Variants in KDM6A observed in about 807,000 individuals in gnomAD.
KDM6A encodes lysine-specific demethylase 6A.
A neutral mutation model predicts 117.6 loss-of-function variants in KDM6A; 11 were observed. The observed-to-expected ratio is 0.09, with a 90% confidence interval of 0.06 to 0.15. The LOEUF is 0.15. Ranked by LOEUF, KDM6A falls within the 10% of genes least tolerant of loss-of-function variation. The pLI, the probability that KDM6A is intolerant of heterozygous loss-of-function variation, is 1.00. For missense variants in KDM6A, 799 were observed against 1,077.3 expected (o/e 0.74, Z 3.62); for synonymous variants, 384 against 396.1 (o/e 0.97, Z 0.36).
chrX:44,901,361 AAT>A (rs760576311), intron 2 of KDM6A, among the ~76,000 whole-genome samples: 6 of 106,829 alleles, frequency 5.6e-5, no homozygotes, highest in African/African-American at 7.0e-5. Flanking sequence ...ATCTCAAAAA[AAT>A]ATATATATAT....
intron 6 of KDM6A, among the ~76,000 whole-genome samples, chrX:45,028,745 T>C (rs2042480488): frequency 8.9e-6 from 1 of 112,451 alleles, no homozygotes; most frequent in African/African-American, 3.2e-5. Flanking sequence ...TCCTAATTAA[T>C]TTATCTGGCC....
rs762465433 is a variant in KDM6A, at chrX:44,913,744, G to GTATA, written c.225+39769_225+39772dup. Among the ~76,000 whole-genome samples, 237 of 107,339 alleles carry GTATA rather than the reference G, an allele frequency of 2.2e-3. 2 individuals are homozygous for GTATA. The highest frequency in any genetic ancestry group is 7.4e-3 in the African/African-American group (217 of 29,472). The allele number at this position is 107,339 out of a possible 115,157, so 93.2% of individuals were successfully genotyped here. The stretch of plus-strand genomic sequence containing the variant: ...TGCTATCCACTATTTGTGTGTGTGC[G>GTATA]TATATATATATATATGTATACGCAC... On this transcript the variant is annotated intron_variant, in intron 2 of 29. Coordinates refer to ENST00000611820, the MANE Select transcript of KDM6A (RefSeq NM_001291415.2).
intron 17 of KDM6A, among the ~76,000 whole-genome samples, chrX:45,067,644 C>CTTTTTTTTTTTTTTTT (rs1267780901): frequency 1.1e-5 from 1 of 90,088 alleles, no homozygotes; most frequent in African/African-American, 5.4e-5. Context: ...TGGTGTGTAT[C>CTTTTTTTTTTTTTTTT]TTTTTTTTGT....
Position 44,941,409 on chromosome X carries a change from T to G in KDM6A, c.226-19875T>G, listed in dbSNP as rs148119332. 6.2e-3 allele frequency among the ~76,000 whole-genome samples: 690 copies of G among 111,199 alleles called. 4 individuals are homozygous for G. Among genetic ancestry groups the G allele is most frequent in the African/African-American group, 0.021 (654 of 30,584 alleles). On this transcript the variant is annotated intron_variant, in intron 2 of 29. Transcript: ENST00000611820. The stretch of plus-strand genomic sequence containing the variant: ...TCTAGTTGGTACTTCTGCCCTTTTC[T>G]TAGGCAATGCAAGATTCTTAGAGCC...
intron 4 of KDM6A, among the ~76,000 whole-genome samples, chrX:44,996,292 C>G (rs908688319): frequency 9.1e-6 from 1 of 109,520 alleles, no homozygotes; most frequent in African/African-American, 3.3e-5. Flanking sequence ...CCAGGCTGGT[C>G]TCGAACTCCT....
At chrX:45,067,071 C>G (rs182988790) in intron 17 of KDM6A, among the ~76,000 whole-genome samples, 3 of 111,826 alleles carry the variant, frequency 2.7e-5, no homozygotes, top group East Asian at 2.8e-4. Context: ...TCTAAAGAGG[C>G]CTTTTTGGTA....
In KDM6A at chrX:44,981,911, T is replaced by C. The variant is rs767656646; in HGVS notation, c.384+7196T>C. Among the ~76,000 whole-genome samples, 4 of 111,519 alleles carry C rather than the reference T, an allele frequency of 3.6e-5. No individual in the cohort carries two copies. In the South Asian group the frequency reaches 1.5e-3, roughly 42 times the overall value. On this transcript the variant is annotated intron_variant, in intron 4 of 29. Coordinates refer to ENST00000611820, the MANE Select transcript of KDM6A (RefSeq NM_001291415.2). ...CCAGCCTGGCCAACATGGTGAAACC[T>C]CATCTCCGCTAAAAATACAAAAATT...
At chrX:44,877,657 A>G (rs2031812810) in intron 2 of KDM6A, among the ~76,000 whole-genome samples, 1 of 109,928 alleles carries the variant, frequency 9.1e-6, no homozygotes, top group African/African-American at 3.3e-5. Flanking sequence ...TAATAATGCT[A>G]GGGGACTGGG....
chrX:44,927,641 A>G lies in KDM6A; in HGVS notation c.226-33643A>G, dbSNP rs142565907. ...AGAAGTCAGAACTGATTCATAAGCC[A>G]CCTGAACTTTGAGTGGGGTCCAAAC... is the stretch of plus-strand genomic sequence containing the variant. On this transcript the variant is annotated intron_variant, in intron 2 of 29. Coordinates refer to ENST00000611820, the MANE Select transcript of KDM6A (RefSeq NM_001291415.2). Among the ~76,000 whole-genome samples, 280 of 111,076 alleles carry G rather than the reference A, an allele frequency of 2.5e-3. 1 individual carries two copies. The highest frequency in any genetic ancestry group is 8.5e-3 in the African/African-American group (261 of 30,555).
chrX:44,947,606 G>C (rs763661991), intron 2 of KDM6A, among the ~76,000 whole-genome samples: 9 of 110,413 alleles, frequency 8.2e-5, no homozygotes, highest in Non-Finnish European at 1.7e-4. Context: ...TCGATCTCCT[G>C]ACCTCATGAT....
rs2044212217 is a variant in KDM6A, at chrX:45,059,408, C to T, written c.1136C>T (p.Thr379Ile). The T allele has an allele frequency of 8.3e-7, 1 of 1,210,886 alleles. No homozygotes were observed. The highest frequency in any genetic ancestry group is 3.0e-5 in the East Asian group (1 of 33,843). The change falls in exon 12 of 30, where the codon ACT becomes ATT. Residue 379 changes from threonine (T) to isoleucine (I), a missense_variant. By Grantham distance (89) the Thr-to-Ile change is moderately conservative (BLOSUM62 -1). Coordinates refer to ENST00000611820, the MANE Select transcript of KDM6A (RefSeq NM_001291415.2). The stretch of plus-strand genomic sequence containing the variant: ...GCCATTAAATGCTACTTAAATGCAA[C>T]TAGAAGCAAAAGTTGTAGTAATACC... ...QDAIKCYLNATRSKSCSNTSA... is the reference protein window; with the variant it reads ...QDAIKCYLNAIRSKSCSNTSA...
chrX:44,956,527 C>A (rs906909155), intron 2 of KDM6A, among the ~76,000 whole-genome samples: 1 of 110,568 alleles, frequency 9.0e-6, no homozygotes, highest in African/African-American at 3.3e-5. Context: ...AAGCTTCCCA[C>A]GTAGCTGGGA....
rs73490933 is a variant in KDM6A, at chrX:45,008,573, T to C, written c.385-2388T>C. On this transcript the variant is annotated intron_variant, in intron 4 of 29. Coordinates refer to ENST00000611820, the MANE Select transcript of KDM6A (RefSeq NM_001291415.2). ...ACACTAAATGACTCTGGATTAACTATTACCACTTTTACCACATTCTGAATA... is the reference window on the plus strand; with the variant it reads ...ACACTAAATGACTCTGGATTAACTACTACCACTTTTACCACATTCTGAATA... Among the ~76,000 whole-genome samples the C allele has an allele frequency of 6.1e-3, 668 of 109,490 alleles. 8 individuals are homozygous for C. The highest frequency in any genetic ancestry group is 0.021 in the African/African-American group (636 of 30,024).
intron 2 of KDM6A, among the ~76,000 whole-genome samples, chrX:44,896,165 C>T (rs182165254): frequency 0.056 from 6,051 of 108,413 alleles, 389 homozygotes; most frequent in African/African-American, 0.18. Context: ...GCTCCGCCTC[C>T]TGGGTTCATG....
chrX:45,041,184 C>T (rs2043161307), intron 8 of KDM6A, among the ~76,000 whole-genome samples: 1 of 87,730 alleles, frequency 1.1e-5, no homozygotes, highest in Non-Finnish European at 2.2e-5. Context: ...CTGACCCCCC[C>T]CTCCCCCCTC....
chrX:45,040,514 C>T (rs2043069211), intron 8 of KDM6A, among the ~76,000 whole-genome samples: 1 of 78,401 alleles, frequency 1.3e-5, no homozygotes, highest in African/African-American at 4.9e-5. Context: ...CCCCACCTCC[C>T]TCCCGGACGG....
chrX:45,016,160 T>C (rs2041950018), intron 5 of KDM6A, among the ~76,000 whole-genome samples: 1 of 111,810 alleles, frequency 8.9e-6, no homozygotes, highest in South Asian at 3.7e-4. Context: ...TAAGCATTTT[T>C]TTTAACCTAT....
At chrX:44,990,210 G>A (rs2040493900) in intron 4 of KDM6A, among the ~76,000 whole-genome samples, 1 of 111,789 alleles carries the variant, frequency 8.9e-6, no homozygotes, top group African/African-American at 3.3e-5. Flanking sequence ...TATTTTTTAG[G>A]GGTTGGATTG....
chrX:45,049,970 C>G (rs2043759371), intron 8 of KDM6A, among the ~76,000 whole-genome samples: 1 of 112,970 alleles, frequency 8.9e-6, no homozygotes. Context: ...CTTGGCCTAA[C>G]TATCTAATTA....
Sources: allele counts gnomAD v4.1 joint callset (sites outside exome capture counted in the v4.1 genomes callset), GRCh38; gene constraint gnomAD v4.1.1; transcripts MANE v1.5; gene names NCBI Gene and HGNC (gene_info 2026-07-23, HGNC 2026-07-21).